The following SEPTIN11 variants were observed in gnomAD, a reference collection of about 807,000 sequenced individuals.
SEPTIN11 encodes septin 11, also known as septin-11.
A neutral mutation model predicts 51.4 loss-of-function variants in SEPTIN11; 25 were observed. The ratio of observed to expected loss-of-function variants is 0.49; its 90% CI spans 0.35 to 0.68. The LOEUF (loss-of-function observed/expected upper bound fraction) is 0.68. SEPTIN11 is among the 30% of genes least tolerant of loss of function. The probability of loss-of-function intolerance (pLI) is 0.00; values close to 1 mark genes in which losing one functional copy is unlikely to be tolerated. For missense variants in SEPTIN11, 381 were observed against 520.8 expected (o/e 0.73, Z 2.61); for synonymous variants, 174 against 184.1 (o/e 0.95, Z 0.44).
chr4:76,957,009 A>ATGTGTGTGT (rs1721593229), intron 1 of SEPTIN11, among the ~76,000 whole-genome samples: 2 of 47,380 alleles, frequency 4.2e-5, no homozygotes, highest in African/African-American at 1.5e-4. Flanking sequence ...AGAGAGAGAC[A>ATGTGTGTGT]GAGACAGAGA....
intron 1 of SEPTIN11, among the ~76,000 whole-genome samples, chr4:76,965,825 G>T (rs141257101): frequency 6.6e-6 from 1 of 151,462 alleles, no homozygotes; most frequent in Admixed American, 6.6e-5. Context: ...CCTATACACG[G>T]TATCTTAGGA....
At chr4:76,955,019 G>A (rs1414527672) in intron 1 of SEPTIN11, among the ~76,000 whole-genome samples, 1 of 151,934 alleles carries the variant, frequency 6.6e-6, no homozygotes, top group African/African-American at 2.4e-5. Context: ...AAAAGGAAAT[G>A]AAAATATATA....
intron 2 of SEPTIN11, 109 bp downstream of exon 2, chr4:76,996,648 C>A: frequency 1.2e-6 from 1 of 822,176 alleles, no homozygotes; most frequent in Non-Finnish European, 2.0e-6. Flanking sequence ...TATTCTCTTT[C>A]TTTCATCAGT....
intron 2 of SEPTIN11, among the ~76,000 whole-genome samples, chr4:77,004,668 A>C (rs1211521403): frequency 6.6e-6 from 1 of 152,170 alleles, no homozygotes; most frequent in Non-Finnish European, 1.5e-5. Context: ...CTAGGGTTTA[A>C]ATGAGATAAT....
chr4:77,039,854 T>C, downstream of SEPTIN11: 2 of 581,848 alleles, frequency 3.4e-6, no homozygotes, highest in Non-Finnish European at 4.3e-6. Context: ...ATATAAGTTG[T>C]TTTGGATTTG....
rs201694406 is a variant in SEPTIN11, at chr4:76,989,289, T to TA, written c.28-7127dup. On this transcript the variant is annotated intron_variant, in intron 1 of 9. Transcript: ENST00000264893. The stretch of plus-strand genomic sequence containing the variant: ...ATACATAAATGTTATCTCTTAAATT[T>TA]AAAAAAAAATAAATTTTAAAGAGAA... 3.5e-3 allele frequency among the ~76,000 whole-genome samples: 534 copies of TA among 151,568 alleles called. 1 individual carries two copies. Among genetic ancestry groups the TA allele is most frequent in the African/African-American group, 0.012 (499 of 41,366 alleles).
Position 77,020,484 on chromosome 4 carries a change from T to G in SEPTIN11, c.785-18T>G. 2.5e-6 allele frequency: 4 copies of G among 1,612,476 alleles called. No homozygotes were observed. Among genetic ancestry groups the G allele is most frequent in the East Asian group, 4.5e-5 (2 of 44,862 alleles). On this transcript the variant is annotated intron_variant, in intron 6 of 9. Transcript: ENST00000264893. Reference sequence around the variant, plus strand: ...TCATTGCTAATCCCACTTCCGCCATTTCCCCCCTCTCTTGTAGTTGAGAAT... The same window carrying G: ...TCATTGCTAATCCCACTTCCGCCATGTCCCCCCTCTCTTGTAGTTGAGAAT...
intron 7 of SEPTIN11, among the ~76,000 whole-genome samples, chr4:77,028,061 G>A (rs535516522): frequency 2.0e-5 from 3 of 152,268 alleles, no homozygotes; most frequent in Non-Finnish European, 4.4e-5. Context: ...GGAGGGAGAT[G>A]AGAGGGGAGG....
chr4:77,018,091 C>T (rs1578190413), intron 5 of SEPTIN11, among the ~76,000 whole-genome samples: 1 of 152,162 alleles, frequency 6.6e-6, no homozygotes, highest in East Asian at 1.9e-4. Flanking sequence ...ATTTTAAGGA[C>T]TTAACCCAAT....
chr4:76,981,696 T>C (rs1722776416), intron 1 of SEPTIN11, among the ~76,000 whole-genome samples: 1 of 152,084 alleles, frequency 6.6e-6, no homozygotes, highest in Middle Eastern at 3.2e-3. Flanking sequence ...GCTGAACTTG[T>C]AGCGGTAACA....
At chr4:76,959,819 C>A (rs1316919374) in intron 1 of SEPTIN11, among the ~76,000 whole-genome samples, 2 of 152,058 alleles carry the variant, frequency 1.3e-5, no homozygotes, top group Admixed American at 1.3e-4. Context: ...TGTAGTATTT[C>A]CCTAAGAGTG....
In SEPTIN11 at chr4:77,030,858, C is replaced by T; in HGVS notation, c.1162C>T (p.Leu388Phe). 6.2e-7 allele frequency: 1 copy of T among 1,613,522 alleles called. No individual in the cohort carries two copies. Among genetic ancestry groups the T allele is most frequent in the Non-Finnish European group, 8.5e-7 (1 of 1,179,862 alleles). Residue 388 changes from leucine (L) to phenylalanine (F), a missense_variant, in exon 9 of 10, where the codon CTT becomes TTT. Transcript: ENST00000264893. ...KKKVEDKKKE[L>F]EEEVNNFQKK... The stretch of plus-strand genomic sequence containing the variant: ...GAAAGTGGAAGACAAGAAGAAGGAG[C>T]TTGAGGAGGAGGTGAACAACTTCCA...
intron 1 of SEPTIN11, among the ~76,000 whole-genome samples, chr4:76,964,297 CATTTTT>C (rs1560696063): frequency 2.0e-5 from 2 of 100,824 alleles, no homozygotes. Context: ...CTTGGCCAAT[CATTTTT>C]TTTTTTTTTT....
chr4:77,007,378 G>T (rs1003671154), intron 3 of SEPTIN11, among the ~76,000 whole-genome samples: 20 of 152,162 alleles, frequency 1.3e-4, no homozygotes, highest in African/African-American at 4.6e-4. Context: ...TACTTTTTCA[G>T]GATCCCTCCC....
intron 1 of SEPTIN11, among the ~76,000 whole-genome samples, chr4:76,950,933 T>G (rs1022971434): frequency 2.0e-5 from 3 of 152,180 alleles, no homozygotes; most frequent in African/African-American, 4.8e-5. Flanking sequence ...ATGTTCACAG[T>G]CCACTCGCCT....
Position 77,036,985 on chromosome 4 carries a change from A to G in SEPTIN11, c.*2473A>G. ...CCTTTGTTTAAAAAAAAGACTAAAT[A>G]TATTTAAAAGGCCACATTTATATTT... is the stretch of plus-strand genomic sequence containing the variant. On this transcript the variant is annotated 3_prime_UTR_variant, in exon 10 of 10. Coordinates refer to ENST00000264893, the MANE Select transcript of SEPTIN11 (RefSeq NM_018243.4). 7.9e-7 allele frequency: 1 copy of G among 1,269,216 alleles called. No individual in the cohort carries two copies. The highest frequency in any genetic ancestry group is 9.9e-7 in the Non-Finnish European group (1 of 1,010,202). The allele number at this position is 1,269,216 out of a possible 1,614,324, so 78.6% of individuals were successfully genotyped here.
At position 77,037,418 on chromosome 4, in the gene SEPTIN11, T is replaced by C. The variant is rs770375490; in HGVS notation, c.*2906T>C. On this transcript the variant is annotated 3_prime_UTR_variant, in exon 10 of 10. Transcript: ENST00000264893. ...GCTCTACATAGCCTCATGGGCATCATTGGATAGCTCAGAGGGCCCTTGATT... is the reference window on the plus strand; with the variant it reads ...GCTCTACATAGCCTCATGGGCATCACTGGATAGCTCAGAGGGCCCTTGATT... The C allele has an allele frequency of 7.1e-6, 7 of 985,258 alleles. No homozygotes were observed. Among genetic ancestry groups the C allele is most frequent in the South Asian group, 4.7e-5 (1 of 21,268 alleles). 61.0% of individuals were successfully genotyped at this position (985,258 alleles called of 1,614,324 possible). A position where few individuals can be genotyped will look rare whatever the true frequency, so the allele number is the denominator to read the frequency against.
intron 1 of SEPTIN11, among the ~76,000 whole-genome samples, chr4:76,969,609 T>C (rs1170472810): frequency 2.6e-5 from 4 of 152,108 alleles, no homozygotes; most frequent in Non-Finnish European, 4.4e-5. Context: ...CTTAAGAAAT[T>C]AGAAAAGAGA....
At position 76,990,395 on chromosome 4, in the gene SEPTIN11, G is replaced by A. The variant is rs577764533; in HGVS notation, c.28-6030G>A. Among the ~76,000 whole-genome samples the A allele has an allele frequency of 2.2e-4, 33 of 152,232 alleles. 1 individual carries two copies. In the East Asian group the frequency reaches 2.5e-3, roughly 12 times the overall value. ...ACCCAGGAAGGCCAGCTGGCTTCAC[G>A]TCTCACAAGTACACTCTAGGATGGA... On this transcript the variant is annotated intron_variant, in intron 1 of 9. Transcript: ENST00000264893.
Sources: gnomAD v4.1 joint callset for allele counts (sites outside exome capture counted in the v4.1 genomes callset) on GRCh38, gnomAD v4.1.1 for gene constraint, MANE v1.5 for transcripts, NCBI Gene and HGNC (gene_info 2026-07-23, HGNC 2026-07-21) for gene names.